ASIC1: variants seen among roughly 807,000 people sequenced by gnomAD.
ASIC1 encodes acid sensing ion channel subunit 1.
Under a neutral mutation model 63.4 loss-of-function variants are expected in ASIC1, and 21 were observed. The ratio of observed to expected loss-of-function variants is 0.33; its 90% confidence interval spans 0.23 to 0.48. ASIC1 has a LOEUF of 0.48. Among genes scored for constraint, ASIC1 ranks in the 20% least tolerant of loss-of-function variants. The pLI, the probability that ASIC1 is intolerant of heterozygous loss-of-function variation, is 0.99. For synonymous variants in ASIC1, 258 were observed against 278.2 expected (o/e 0.93, Z 0.72); for missense variants, 478 against 695.5 (o/e 0.69, Z 3.52).
chr12:50,081,471 C>T, intron 11 of ASIC1, 74 bp from the exon 12 acceptor site: 2 of 914,046 alleles, frequency 2.2e-6, no homozygotes, highest in African/African-American at 1.8e-5. Context: ...CTCTCCTTTG[C>T]CTCCCGAATG....
intron 11 of ASIC1, 45 bp downstream of exon 11, chr12:50,081,409 A>ACCGC (rs1269333652): frequency 6.6e-7 from 1 of 1,514,274 alleles, no homozygotes; most frequent in Non-Finnish European, 8.9e-7. Flanking sequence ...CTGTGCCTCC[A>ACCGC]CCGCCCCAGG....
Position 50,078,489 on chromosome 12 carries a change from C to T in ASIC1, c.906C>T (p.Phe302=), listed in dbSNP as rs768315444. The stretch of plus-strand genomic sequence containing the variant: ...CCATGGACTCGGATTTGGATTTCTT[C>T]GACTCCTACAGCATCACTGCCTGCC... ...AVTMDSDLDF[F]DSYSITACRI... is the part of the protein sequence containing the mutation. Residue 302 remains phenylalanine, a synonymous_variant, in exon 6 of 12, where the codon TTC becomes TTT. Coordinates refer to ENST00000447966, the MANE Select transcript of ASIC1 (RefSeq NM_001095.4). The surrounding 1 kb of genome is among the most constrained non-coding windows in gnomAD (Gnocchi z 6.0). 5 of 1,614,060 alleles carry T rather than the reference C, an allele frequency of 3.1e-6. No homozygotes were observed. The highest frequency in any genetic ancestry group is 1.1e-5 in the South Asian group (1 of 91,076).
At position 50,078,303 on chromosome 12, in the gene ASIC1, A is replaced by G; in HGVS notation, c.838-118A>G. ...GCTCTGTAAACTCTGAGACCTTTGG[A>G]GGCTGCAGAGGGAGAGGGGAGCAGA... On this transcript the variant is annotated intron_variant, in intron 5 of 11. Transcript: ENST00000447966. This position sits in a 1 kb window ranked among gnomAD's most constrained non-coding sequence, Gnocchi z 6.0. The G allele has an allele frequency of 6.6e-7, 1 of 1,516,272 alleles. No homozygotes were observed. The highest frequency in any genetic ancestry group is 1.3e-5 in the South Asian group (1 of 78,548). The allele number at this position is 1,516,272 out of a possible 1,614,324, so 93.9% of individuals were successfully genotyped here.
At chr12:50,060,071 C>A in intron 3 of ASIC1, 117 bp downstream of exon 3, 1 of 1,236,564 alleles carries the variant, frequency 8.1e-7, no homozygotes, top group South Asian at 1.5e-5. Context: ...GTTGTATGTC[C>A]TGGGGTTTGC....
rs184354692 is a variant in ASIC1, at chr12:50,074,572, G to A, written c.559-2641G>A. Among the ~76,000 whole-genome samples, 24 of 152,282 alleles carry A rather than the reference G, an allele frequency of 1.6e-4. No homozygotes were observed. In the East Asian group the frequency reaches 3.7e-3, roughly 23 times the overall value. ...ACTTCCTCATGGTCCAGCAGGGCCC[G>A]GGACCTTGCTCCATCTGTGAGGTCA... On this transcript the variant is annotated intron_variant, in intron 3 of 11. Coordinates refer to ENST00000447966, the MANE Select transcript of ASIC1 (RefSeq NM_001095.4). The surrounding 1 kb of genome is among the most constrained non-coding windows in gnomAD (Gnocchi z 4.2).
At chr12:50,072,096 TGA>T (rs1950605498) in intron 3 of ASIC1, among the ~76,000 whole-genome samples, 1 of 152,148 alleles carries the variant, frequency 6.6e-6, no homozygotes, top group African/African-American at 2.4e-5. Context: ...TGCTAGAACC[TGA>T]CACCCTGCCT....
At chr12:50,067,431 C>T (rs1458465429) in intron 3 of ASIC1, among the ~76,000 whole-genome samples, 6 of 139,212 alleles carry the variant, frequency 4.3e-5, no homozygotes, top group Admixed American at 1.5e-4. Flanking sequence ...TTTTTTGAGA[C>T]GGAGTTTTGC....
Position 50,079,837 on chromosome 12 carries a change from G to A in ASIC1, c.1052-65G>A, listed in dbSNP as rs1020324555. On this transcript the variant is annotated intron_variant, in intron 7 of 11. Transcript: ENST00000447966. Reference sequence around the variant, plus strand: ...GTTTCTCTGGGCAGAGCTAGGATGTGCATGTGGGAAGGTGCTGGCAGAAGG... The same window carrying A: ...GTTTCTCTGGGCAGAGCTAGGATGTACATGTGGGAAGGTGCTGGCAGAAGG... 13 of 1,532,916 alleles carry A rather than the reference G, an allele frequency of 8.5e-6. No individual in the cohort carries two copies. The African/African-American group carries it at 1.8e-4, about 21-fold the overall frequency. 95.0% of individuals were successfully genotyped at this position (1,532,916 alleles called of 1,614,324 possible).
intron 3 of ASIC1, chr12:50,073,549 C>T: frequency 6.8e-7 from 1 of 1,470,442 alleles, no homozygotes; most frequent in Non-Finnish European, 9.0e-7. Flanking sequence ...CCCCTTCCTC[C>T]TGCAAATCCC....
Position 50,078,252 on chromosome 12 carries a change from G to T in ASIC1, c.837+125G>T. 1 of 1,516,860 alleles carries T rather than the reference G, an allele frequency of 6.6e-7. No individual in the cohort carries two copies. The highest frequency in any genetic ancestry group is 1.3e-5 in the South Asian group (1 of 77,266). The allele number at this position is 1,516,860 out of a possible 1,614,324, so 94.0% of individuals were successfully genotyped here. On this transcript the variant is annotated intron_variant, in intron 5 of 11. Transcript: ENST00000447966. The surrounding 1 kb of genome is among the most constrained non-coding windows in gnomAD (Gnocchi z 6.0). ...TGGGTGGTAATCTGGCTAGTCAGAA[G>T]CATGAGTGATCGAATGAACAAGAAT...
Position 50,074,093 on chromosome 12 carries a change from G to C in ASIC1, c.559-3120G>C. Reference sequence around the variant, plus strand: ...GGACTGGATGAAAGTGATGACCCCGGGGTGCCCCTCGCTCCACCGGGCCCT... The same window carrying C: ...GGACTGGATGAAAGTGATGACCCCGCGGTGCCCCTCGCTCCACCGGGCCCT... On this transcript the variant is annotated intron_variant, in intron 3 of 11. Coordinates refer to ENST00000447966, the MANE Select transcript of ASIC1 (RefSeq NM_001095.4). This position sits in a 1 kb window ranked among gnomAD's most constrained non-coding sequence, Gnocchi z 4.2. 1 of 1,535,586 alleles carries C rather than the reference G, an allele frequency of 6.5e-7. No individual in the cohort carries two copies. The highest frequency in any genetic ancestry group is 1.2e-5 in the South Asian group (1 of 83,986).
intron 3 of ASIC1, among the ~76,000 whole-genome samples, chr12:50,075,068 C>T (rs1221000764): frequency 2.0e-5 from 3 of 152,046 alleles, no homozygotes; most frequent in Non-Finnish European, 4.4e-5. Context: ...CCTGGTACCC[C>T]ACTGTCTCTC....
At chr12:50,069,690 T>C (rs1197158585) in intron 3 of ASIC1, among the ~76,000 whole-genome samples, 2 of 151,394 alleles carry the variant, frequency 1.3e-5, no homozygotes, top group East Asian at 3.8e-4. Context: ...TCATTCACTC[T>C]GATAGAGTCA....
chr12:50,067,764 T>C (rs142151357), intron 3 of ASIC1, among the ~76,000 whole-genome samples: 495 of 152,252 alleles, frequency 3.3e-3, no homozygotes, highest in African/African-American at 0.011. Context: ...ACAATCATAC[T>C]CTCTTTGTTT....
rs1446816228 is a variant in ASIC1, at chr12:50,074,215, G to A, written c.559-2998G>A. Reference sequence around the variant, plus strand: ...GCTGCTCTATTGCTCCTACCAAGGGGGACCCTGCGGCCCTCACAACTTCTC... The same window carrying A: ...GCTGCTCTATTGCTCCTACCAAGGGAGACCCTGCGGCCCTCACAACTTCTC... On this transcript the variant is annotated intron_variant, in intron 3 of 11. Coordinates refer to ENST00000447966, the MANE Select transcript of ASIC1 (RefSeq NM_001095.4). The surrounding 1 kb of genome is among the most constrained non-coding windows in gnomAD (Gnocchi z 4.2). The A allele has an allele frequency of 4.0e-6, 6 of 1,507,280 alleles. No homozygotes were observed. The highest frequency in any genetic ancestry group is 1.4e-5 in the African/African-American group (1 of 72,212). The allele number at this position is 1,507,280 out of a possible 1,614,324, so 93.4% of individuals were successfully genotyped here.
Position 50,081,769 on chromosome 12 carries a change from CT to C in ASIC1, c.*122del. The C allele has an allele frequency of 1.2e-6, 1 of 858,262 alleles. No homozygotes were observed. The highest frequency in any genetic ancestry group is 1.8e-6 in the Non-Finnish European group (1 of 551,038). The allele number at this position is 858,262 out of a possible 1,614,324, so 53.2% of individuals were successfully genotyped here. A position where few individuals can be genotyped will look rare whatever the true frequency, so the allele number is the denominator to read the frequency against. Reference sequence around the variant, plus strand: ...CCACACTCCGGGGCAGATCTTTCCTCTTGTCTGTGGTAAGGAAGGAGTCTTG... The same window carrying C: ...CCACACTCCGGGGCAGATCTTTCCTCTGTCTGTGGTAAGGAAGGAGTCTTG... On this transcript the variant is annotated 3_prime_UTR_variant, in exon 12 of 12. Transcript: ENST00000447966.
intron 7 of ASIC1, 134 bp downstream of exon 7, chr12:50,079,114 C>T: frequency 1.1e-6 from 1 of 883,486 alleles, no homozygotes; most frequent in South Asian, 1.6e-5. Flanking sequence ...TTGTGTCTGA[C>T]ATTAAAGCTG....
At chr12:50,072,495 A>G (rs1405460473) in intron 3 of ASIC1, among the ~76,000 whole-genome samples, 3 of 151,874 alleles carry the variant, frequency 2.0e-5, no homozygotes. Flanking sequence ...TGAGGCCGGG[A>G]GTCTGCAAGG....
At chr12:50,072,871 A>G (rs1950613506) in intron 3 of ASIC1, among the ~76,000 whole-genome samples, 1 of 151,974 alleles carries the variant, frequency 6.6e-6, no homozygotes, top group Non-Finnish European at 1.5e-5. Flanking sequence ...GAGGGCTGGT[A>G]ATGCTGTCCT....
Sources: gnomAD v4.1 joint callset for allele counts (sites outside exome capture counted in the v4.1 genomes callset) on GRCh38, gnomAD v4.1.1 for gene constraint, Gnocchi (gnomAD v3.1) non-coding constraint, MANE v1.5 for transcripts, NCBI Gene and HGNC (gene_info 2026-07-23, HGNC 2026-07-21) for gene names.